Variants in CLSTN2 observed in about 807,000 individuals in gnomAD.
The protein encoded by CLSTN2 is calsyntenin-2.
CLSTN2 carries 48 observed loss-of-function variants against 101.2 expected under a neutral mutation model. That is an observed-to-expected ratio of 0.47 (90% CI 0.38 to 0.60). CLSTN2 has a LOEUF of 0.60. Among genes scored for constraint, CLSTN2 ranks in the 20% least tolerant of loss-of-function variants. The pLI, the probability that CLSTN2 is intolerant of heterozygous loss-of-function variation, is 0.00. For missense variants in CLSTN2, 1,160 were observed against 1,238.2 expected (o/e 0.94, Z 0.95); for synonymous variants, 481 against 463.6 (o/e 1.04, Z -0.48).
chr3:140,464,882 T>G (rs1371052526), intron 7 of CLSTN2, among the ~76,000 whole-genome samples: 1 of 152,198 alleles, frequency 6.6e-6, no homozygotes. Context: ...AGTAAGACCC[T>G]GACCATTCTC....
chr3:140,187,220 G>A (rs1356433953), intron 2 of CLSTN2, among the ~76,000 whole-genome samples: 1 of 152,146 alleles, frequency 6.6e-6, no homozygotes, highest in East Asian at 1.9e-4. Context: ...TTGCTGCTCT[G>A]TCTCCCTGAG....
chr3:140,182,635 C>A (rs530043164), intron 2 of CLSTN2, among the ~76,000 whole-genome samples: 5 of 152,306 alleles, frequency 3.3e-5, no homozygotes, highest in African/African-American at 9.6e-5. Context: ...GCTTCCCACC[C>A]AGTCATGAGG....
intron 2 of CLSTN2, among the ~76,000 whole-genome samples, chr3:140,187,755 T>C (rs1559801710): frequency 6.6e-6 from 1 of 152,184 alleles, no homozygotes; most frequent in Non-Finnish European, 1.5e-5. Flanking sequence ...CACTCACTCC[T>C]CCTCTCATGC....
At chr3:140,321,533 C>T (rs1273575303) in intron 2 of CLSTN2, among the ~76,000 whole-genome samples, 3 of 152,172 alleles carry the variant, frequency 2.0e-5, no homozygotes, top group Non-Finnish European at 4.4e-5. Context: ...AGAGAGACCA[C>T]TGGGGACCCT....
intron 2 of CLSTN2, among the ~76,000 whole-genome samples, chr3:140,190,284 G>A (rs1016558587): frequency 1.3e-5 from 2 of 151,784 alleles, no homozygotes; most frequent in Admixed American, 6.6e-5. Context: ...TGTGTCAATG[G>A]CCCCACCAAA....
At chr3:139,990,035 G>A (rs1469761679) in intron 1 of CLSTN2, among the ~76,000 whole-genome samples, 1 of 152,214 alleles carries the variant, frequency 6.6e-6, no homozygotes, top group Admixed American at 6.5e-5. Flanking sequence ...AACCGAAATA[G>A]CCCATCCTTT....
At chr3:140,001,655 T>C (rs1488038278) in intron 1 of CLSTN2, among the ~76,000 whole-genome samples, 1 of 152,092 alleles carries the variant, frequency 6.6e-6, no homozygotes, top group Non-Finnish European at 1.5e-5. Context: ...TTTTTAAATG[T>C]ACAATTAAAT....
chr3:140,011,800 C>T (rs1159872930), intron 1 of CLSTN2, among the ~76,000 whole-genome samples: 2 of 151,290 alleles, frequency 1.3e-5, no homozygotes, highest in African/African-American at 2.4e-5. Context: ...TGGCAGGGGT[C>T]GGGGGGGATT....
chr3:140,197,170 T>G (rs1437874902), intron 2 of CLSTN2, among the ~76,000 whole-genome samples: 1 of 152,212 alleles, frequency 6.6e-6, no homozygotes, highest in Non-Finnish European at 1.5e-5. Flanking sequence ...CTCAGCTCAC[T>G]GCTGCCAAGG....
intron 2 of CLSTN2, among the ~76,000 whole-genome samples, chr3:140,312,264 C>T (rs376827102): frequency 3.1e-4 from 47 of 152,228 alleles, no homozygotes; most frequent in African/African-American, 1.1e-3. Context: ...CAAAACTAAG[C>T]GACTTCTTCC....
chr3:140,312,557 A>G (rs1040788293), intron 2 of CLSTN2, among the ~76,000 whole-genome samples: 6 of 152,256 alleles, frequency 3.9e-5, no homozygotes, highest in Non-Finnish European at 5.9e-5. Flanking sequence ...CATCAGAAGC[A>G]TGCAAGAAAG....
At chr3:140,320,259 G>A (rs192460136) in intron 2 of CLSTN2, among the ~76,000 whole-genome samples, 42 of 152,298 alleles carry the variant, frequency 2.8e-4, no homozygotes, top group East Asian at 7.7e-4. Flanking sequence ...GCACTGGGGG[G>A]CCTTGTCAGA....
chr3:140,075,855 C>T (rs568998048), intron 1 of CLSTN2, among the ~76,000 whole-genome samples: 1 of 152,130 alleles, frequency 6.6e-6, no homozygotes, highest in South Asian at 2.1e-4. Flanking sequence ...CATCATGTCT[C>T]AGGTGGGCAC....
intron 6 of CLSTN2, among the ~76,000 whole-genome samples, chr3:140,449,003 G>GTC (rs1933170171): frequency 6.6e-6 from 1 of 152,158 alleles, no homozygotes; most frequent in Non-Finnish European, 1.5e-5. Flanking sequence ...ATACTTTCAG[G>GTC]AGTACCTAGG....
chr3:140,398,017 A>G (rs1020288216), intron 2 of CLSTN2, among the ~76,000 whole-genome samples: 2 of 72,912 alleles, frequency 2.7e-5, no homozygotes, highest in Non-Finnish European at 3.9e-5. Context: ...CTTCAGTTTT[A>G]TCATTGACAG....
At chr3:140,295,821 C>T (rs571869238) in intron 2 of CLSTN2, among the ~76,000 whole-genome samples, 74 of 152,162 alleles carry the variant, frequency 4.9e-4, no homozygotes, top group African/African-American at 1.7e-3. Context: ...TCAGTAAAGT[C>T]CTATTTCTTA....
intron 1 of CLSTN2, among the ~76,000 whole-genome samples, chr3:139,978,336 C>G (rs189990473): frequency 1.2e-4 from 18 of 152,288 alleles, no homozygotes; most frequent in African/African-American, 4.3e-4. Context: ...TCATTAAAAA[C>G]TCTCTGATAT....
intron 1 of CLSTN2, among the ~76,000 whole-genome samples, chr3:140,017,142 A>G (rs1273050351): frequency 1.3e-5 from 2 of 152,032 alleles, no homozygotes; most frequent in Non-Finnish European, 2.9e-5. Context: ...CTCGCTGTGG[A>G]TCTTGTTAAA....
chr3:140,106,679 G>A (rs1486786949), intron 1 of CLSTN2, among the ~76,000 whole-genome samples: 1 of 152,186 alleles, frequency 6.6e-6, no homozygotes, highest in African/African-American at 2.4e-5. Flanking sequence ...TTCCAGGCTG[G>A]ACAGTATTCA....
Sources: allele counts gnomAD v4.1 joint callset (sites outside exome capture counted in the v4.1 genomes callset), GRCh38; gene constraint gnomAD v4.1.1; transcripts MANE v1.5; gene names NCBI Gene and HGNC (gene_info 2026-07-23, HGNC 2026-07-21).